The following USH2A variants were observed in gnomAD, a reference collection of about 807,000 sequenced individuals.
USH2A encodes the protein usherin.
Under a neutral mutation model 538.9 loss-of-function variants are expected in USH2A, and 443 were observed. That is an observed-to-expected ratio of 0.82 (90% CI 0.76 to 0.89). The LOEUF (loss-of-function observed/expected upper bound fraction) is 0.89. Among genes scored for constraint, USH2A ranks in the 40% least tolerant of loss-of-function variants. The pLI, the probability that USH2A is intolerant of heterozygous loss-of-function variation, is 0.00. For synonymous variants in USH2A, 2,413 were observed against 2,273.5 expected, an observed-to-expected ratio of 1.06 and a Z score of -1.75; for missense variants, 6,633 against 6,324.8, an observed-to-expected ratio of 1.05 and a Z score of -1.65.
intron 50 of USH2A, 125 bp downstream of exon 50, chr1:215,798,782 T>C (rs1349181183): frequency 3.7e-6 from 4 of 1,071,088 alleles, no homozygotes; most frequent in South Asian, 1.3e-5. Context: ...ATGTTCCTAA[T>C]TATTGCATTA....
intron 58 of USH2A, among the ~76,000 whole-genome samples, chr1:215,747,806 G>C (rs2820723): frequency 0.15 from 22,588 of 151,634 alleles, 1,847 homozygotes; most frequent in Non-Finnish European, 0.17. Flanking sequence ...TTGTTACCCT[G>C]CCATAACAGT....
intron 58 of USH2A, among the ~76,000 whole-genome samples, chr1:215,748,806 G>T (rs907111650): frequency 6.6e-6 from 1 of 152,086 alleles, no homozygotes; most frequent in Non-Finnish European, 1.5e-5. Flanking sequence ...AGAGTTGTGA[G>T]GATTAAATTA....
chr1:216,200,793 G>A (rs2034969889), intron 16 of USH2A, among the ~76,000 whole-genome samples: 3 of 152,134 alleles, frequency 2.0e-5, no homozygotes, highest in Non-Finnish European at 4.4e-5. Context: ...TGTTCTCTAA[G>A]GACAGGAAAC....
At position 216,225,246 on chromosome 1, in the gene USH2A, G is replaced by A. The variant is rs529825109; in HGVS notation, c.2993+6707C>T. Among the ~76,000 whole-genome samples the A allele has an allele frequency of 1.4e-4, 21 of 152,108 alleles. No individual in the cohort carries two copies. In the East Asian group the frequency reaches 1.5e-3, roughly 11 times the overall value. ...AGAAGTCAAAAAAAGATTCAAGAACGGTATCATTCAAAAGAGGAATGGAAA... is the reference window on the plus strand; with the variant it reads ...AGAAGTCAAAAAAAGATTCAAGAACAGTATCATTCAAAAGAGGAATGGAAA... On this transcript the variant is annotated intron_variant, in intron 14 of 71. Coordinates refer to ENST00000307340, the MANE Select transcript of USH2A (RefSeq NM_206933.4).
chr1:215,719,179 C>T (rs1659580358), intron 61 of USH2A, among the ~76,000 whole-genome samples: 1 of 151,872 alleles, frequency 6.6e-6, no homozygotes, highest in South Asian at 2.1e-4. Flanking sequence ...TAAAATACCT[C>T]ATCATGTTCT....
At chr1:216,173,809 T>A (rs1368881007) in intron 21 of USH2A, 11 of 316,942 alleles carry the variant, frequency 3.5e-5, no homozygotes, top group Non-Finnish European at 5.0e-5. Flanking sequence ...CCCAGCTGAA[T>A]GGAAACGGAT....
At chr1:216,404,681 G>T (rs1198876663) in intron 3 of USH2A, among the ~76,000 whole-genome samples, 10 of 147,320 alleles carry the variant, frequency 6.8e-5, no homozygotes, top group South Asian at 2.2e-4. Context: ...GAGTGCAGTG[G>T]CATGATCTCT....
intron 61 of USH2A, among the ~76,000 whole-genome samples, chr1:215,703,005 C>T (rs1659078732): frequency 6.6e-6 from 1 of 152,050 alleles, no homozygotes; most frequent in South Asian, 2.1e-4. Context: ...TCATTGTCTT[C>T]CTTTGTGTTG....
chr1:215,939,925 G>A (rs146350160), intron 37 of USH2A, among the ~76,000 whole-genome samples: 40 of 152,160 alleles, frequency 2.6e-4, no homozygotes, highest in African/African-American at 8.2e-4. Context: ...AAAGGTCAGC[G>A]TAGTCCTGTA....
chr1:216,297,625 T>C (rs2037132734), intron 9 of USH2A, among the ~76,000 whole-genome samples: 1 of 152,148 alleles, frequency 6.6e-6, no homozygotes, highest in Non-Finnish European at 1.5e-5. Flanking sequence ...AGTATATGAC[T>C]GTCACTATGC....
At chr1:215,910,468 T>C (rs1243148693) in intron 38 of USH2A, among the ~76,000 whole-genome samples, 1 of 151,978 alleles carries the variant, frequency 6.6e-6, no homozygotes, top group Non-Finnish European at 1.5e-5. Context: ...ATTAAGATGG[T>C]ATATATTTCA....
chr1:216,102,515 G>T (rs1435232488), intron 21 of USH2A, among the ~76,000 whole-genome samples: 1 of 152,036 alleles, frequency 6.6e-6, no homozygotes, highest in South Asian at 2.1e-4. Flanking sequence ...AGTTATACTT[G>T]TGGGCCGGGC....
At chr1:216,409,354 A>T (rs534111897) in intron 3 of USH2A, among the ~76,000 whole-genome samples, 1 of 152,260 alleles carries the variant, frequency 6.6e-6, no homozygotes, top group Admixed American at 6.5e-5. Flanking sequence ...ACAAACAACG[A>T]CATTCTTGGA....
At chr1:216,274,265 C>T (rs2036627885) in intron 11 of USH2A, among the ~76,000 whole-genome samples, 4 of 152,050 alleles carry the variant, frequency 2.6e-5, no homozygotes, top group Admixed American at 2.6e-4. Context: ...AGCATTTATA[C>T]CTCTAAACAT....
chr1:215,840,426 CA>C (rs957720426), intron 46 of USH2A, among the ~76,000 whole-genome samples: 15 of 151,994 alleles, frequency 9.9e-5, no homozygotes, highest in African/African-American at 3.6e-4. Context: ...AAAAGCTTCA[CA>C]AAAAATATAG....
At chr1:216,294,507 C>A (rs1007693890) in intron 9 of USH2A, among the ~76,000 whole-genome samples, 1 of 151,136 alleles carries the variant, frequency 6.6e-6, no homozygotes, top group African/African-American at 2.4e-5. Flanking sequence ...TTCAACCCTT[C>A]TGCAATCATT....
chr1:216,011,975 T>A (rs76179161), intron 32 of USH2A, among the ~76,000 whole-genome samples: 1,052 of 26,874 alleles, frequency 0.039, 125 homozygotes, highest in Middle Eastern at 0.15. Context: ...CGCTTGATTT[T>A]TTTTTTTTTT....
intron 4 of USH2A, among the ~76,000 whole-genome samples, chr1:216,333,567 C>A (rs1379145402): frequency 1.3e-5 from 2 of 151,906 alleles, no homozygotes; most frequent in Admixed American, 1.3e-4. Context: ...CAAAAACTTC[C>A]AAAATTTGAT....
chr1:215,953,189 T>A (rs1462915666), intron 37 of USH2A, among the ~76,000 whole-genome samples: 7 of 152,114 alleles, frequency 4.6e-5, no homozygotes, highest in Admixed American at 1.3e-4. Flanking sequence ...ACCAACGACT[T>A]TCTTCACAGA....
Sources: gnomAD v4.1 joint callset for allele counts (sites outside exome capture counted in the v4.1 genomes callset) on GRCh38, gnomAD v4.1.1 for gene constraint, MANE v1.5 for transcripts, NCBI Gene and HGNC (gene_info 2026-07-23, HGNC 2026-07-21) for gene names.